The following WDR37 variants were observed in gnomAD, a reference collection of about 807,000 sequenced individuals.
The protein encoded by WDR37 is WD repeat domain 37.
WDR37 carries 19 observed loss-of-function variants against 62.9 expected under a neutral mutation model. The observed-to-expected ratio is 0.30, with a 90% CI of 0.21 to 0.44. The LOEUF is 0.44. Among genes scored for constraint, WDR37 ranks in the 20% least tolerant of loss-of-function variants. WDR37 has a pLI of 1.00. For synonymous variants in WDR37, 250 were observed against 260.9 expected, an observed-to-expected ratio of 0.96 and a Z score of 0.40; for missense variants, 474 against 657.6, an observed-to-expected ratio of 0.72 and a Z score of 3.05.
At chr10:1,089,702 CGTGCTCACCCGCAATTCAACCTTCCT>C (rs72190929) in intron 7 of WDR37, among the ~76,000 whole-genome samples, 19,027 of 151,564 alleles carry the variant, frequency 0.13, 1,379 homozygotes, top group East Asian at 0.19. Context: ...TCGGCCTTCC[CGTGCTCACCCGCAATTCAACCTTCCT>C]GTGTTCACTC....
intron 7 of WDR37, among the ~76,000 whole-genome samples, chr10:1,090,797 G>A (rs1189246386): frequency 6.6e-6 from 1 of 152,218 alleles, no homozygotes; most frequent in Non-Finnish European, 1.5e-5. Flanking sequence ...AGGAGCCAGT[G>A]CCTTTGACAC....
intron 11 of WDR37, among the ~76,000 whole-genome samples, chr10:1,111,151 T>G: frequency 6.6e-6 from 1 of 152,240 alleles, no homozygotes; most frequent in East Asian, 1.9e-4. Context: ...TATATTAACA[T>G]GATGTGGAAT....
At chr10:1,090,737 C>T (rs977377336) in intron 7 of WDR37, among the ~76,000 whole-genome samples, 3 of 152,210 alleles carry the variant, frequency 2.0e-5, no homozygotes, top group African/African-American at 7.2e-5. Context: ...GTTCTTCTCT[C>T]TTTAGATTTC....
intron 11 of WDR37, among the ~76,000 whole-genome samples, chr10:1,114,354 T>C (rs569939198): frequency 1.1e-3 from 161 of 152,336 alleles, no homozygotes; most frequent in African/African-American, 3.7e-3. Flanking sequence ...TGTCCTATTT[T>C]AAGAAATTGC....
At chr10:1,099,966 C>T (rs909685477) in intron 9 of WDR37, among the ~76,000 whole-genome samples, 2 of 127,034 alleles carry the variant, frequency 1.6e-5, no homozygotes, top group African/African-American at 2.6e-5. Context: ...TGATGGTGGG[C>T]GTGGTGGAGA....
At chr10:1,125,668 C>G (rs948227083) in intron 13 of WDR37, among the ~76,000 whole-genome samples, 14 of 152,074 alleles carry the variant, frequency 9.2e-5, no homozygotes, top group South Asian at 6.2e-4. Context: ...TGTGTCTGTG[C>G]AGATTGGAAG....
chr10:1,087,309 A>G (rs182463634), intron 7 of WDR37, among the ~76,000 whole-genome samples: 59 of 152,330 alleles, frequency 3.9e-4, no homozygotes, highest in Non-Finnish European at 7.6e-4. Context: ...GCAGTTTTCT[A>G]GCAGTGCCTG....
intron 11 of WDR37, among the ~76,000 whole-genome samples, chr10:1,109,850 G>A (rs1835155737): frequency 6.6e-6 from 1 of 152,218 alleles, no homozygotes. Context: ...TACTAATGTG[G>A]ACCTATGAAT....
intron 1 of WDR37, among the ~76,000 whole-genome samples, chr10:1,064,983 CAG>C (rs1218626590): frequency 1.2e-4 from 18 of 152,068 alleles, no homozygotes; most frequent in Non-Finnish European, 2.4e-4. Flanking sequence ...ACTATCAACT[CAG>C]AATTTTATAT....
chr10:1,089,916 C>T (rs909656990), intron 7 of WDR37, among the ~76,000 whole-genome samples: 1 of 152,168 alleles, frequency 6.6e-6, no homozygotes, highest in Admixed American at 6.5e-5. Context: ...TGTCGTGTTG[C>T]GTGTGTCTCT....
At chr10:1,082,964 T>C (rs1290300805) in intron 5 of WDR37, among the ~76,000 whole-genome samples, 1 of 152,192 alleles carries the variant, frequency 6.6e-6, no homozygotes, top group Non-Finnish European at 1.5e-5. Flanking sequence ...CTGTTACTTA[T>C]GTTAGAAATG....
chr10:1,078,481 AGCC>A (rs1203628989), intron 3 of WDR37, among the ~76,000 whole-genome samples: 3 of 152,214 alleles, frequency 2.0e-5, no homozygotes, highest in Non-Finnish European at 2.9e-5. Context: ...TTACCCCTCA[AGCC>A]CATCGCACTC....
chr10:1,101,969 G>T (rs1834821451), intron 9 of WDR37, among the ~76,000 whole-genome samples: 2 of 152,182 alleles, frequency 1.3e-5, no homozygotes, highest in South Asian at 4.1e-4. Context: ...CTGCATCCAT[G>T]TGATATGTGT....
At chr10:1,086,793 A>G (rs1302687501) in intron 7 of WDR37, among the ~76,000 whole-genome samples, 1 of 149,664 alleles carries the variant, frequency 6.7e-6, no homozygotes, top group Non-Finnish European at 1.5e-5. Context: ...CTGTCCACGT[A>G]GTTAACGCTG....
intron 5 of WDR37, among the ~76,000 whole-genome samples, chr10:1,081,367 G>T (rs1436466539): frequency 6.6e-6 from 1 of 152,222 alleles, no homozygotes; most frequent in African/African-American, 2.4e-5. Context: ...AGGATACAAA[G>T]ATAAATTGAA....
At chr10:1,116,920 C>T (rs1835418689) in intron 11 of WDR37, among the ~76,000 whole-genome samples, 1 of 129,624 alleles carries the variant, frequency 7.7e-6, no homozygotes, top group Non-Finnish European at 1.6e-5. Flanking sequence ...ATCCTTGTCT[C>T]TTACCAGCAG....
intron 11 of WDR37, among the ~76,000 whole-genome samples, chr10:1,113,254 G>A (rs914244234): frequency 4.6e-5 from 7 of 152,144 alleles, no homozygotes; most frequent in South Asian, 2.1e-4. Flanking sequence ...TTACACCATG[G>A]TTTCTGAATA....
chr10:1,070,810 G>A (rs140277316), intron 1 of WDR37, among the ~76,000 whole-genome samples: 82 of 152,298 alleles, frequency 5.4e-4, no homozygotes, highest in Non-Finnish European at 1.0e-3. Context: ...TGTTTAAAAA[G>A]AAGGGAACGC....
intron 13 of WDR37, among the ~76,000 whole-genome samples, chr10:1,125,608 C>T (rs952474855): frequency 5.9e-5 from 9 of 152,216 alleles, no homozygotes; most frequent in African/African-American, 1.2e-4. Flanking sequence ...CTTTGGTGCA[C>T]GTGTTAGTGG....
Sources: gnomAD v4.1 joint callset for allele counts (sites outside exome capture counted in the v4.1 genomes callset) on GRCh38, gnomAD v4.1.1 for gene constraint, MANE v1.5 for transcripts, NCBI Gene and HGNC (gene_info 2026-07-23, HGNC 2026-07-21) for gene names.